HDAC4: variants seen among roughly 807,000 people sequenced by gnomAD.
HDAC4 encodes the protein histone deacetylase A.
A neutral mutation model predicts 135.1 loss-of-function variants in HDAC4; 16 were observed. The ratio of observed to expected loss-of-function variants is 0.12; its 90% CI spans 0.08 to 0.18. HDAC4 has a LOEUF of 0.18. HDAC4 is among the 10% of genes least tolerant of loss of function. The pLI is 1.00. For missense variants in HDAC4, 1,143 were observed against 1,511.8 expected (o/e 0.76, Z 4.05); for synonymous variants, 685 against 653.4 (o/e 1.05, Z -0.74).
intron 12 of HDAC4, among the ~76,000 whole-genome samples, chr2:239,121,646 C>A (rs1190753790): frequency 6.6e-6 from 1 of 152,266 alleles, no homozygotes; most frequent in African/African-American, 2.4e-5. Context: ...GCACGCCCCT[C>A]GGCCTGGAGG....
chr2:239,193,111 T>A (rs1403763614), intron 3 of HDAC4, among the ~76,000 whole-genome samples: 1 of 152,194 alleles, frequency 6.6e-6, no homozygotes, highest in African/African-American at 2.4e-5. Context: ...GCCTCATTTA[T>A]CCCTGTGTGG....
chr2:239,124,329 C>A (rs1000031519), intron 12 of HDAC4, among the ~76,000 whole-genome samples: 6 of 152,242 alleles, frequency 3.9e-5, no homozygotes, highest in Admixed American at 2.6e-4. Flanking sequence ...CCAGGCCTGG[C>A]TCCCACGAGT....
Position 239,049,450 on chromosome 2 carries a change from T to TA in HDAC4, c.*3646dup, listed in dbSNP as rs1183598085. The TA allele has an allele frequency of 1.3e-5, 2 of 151,778 alleles. No individual in the cohort carries two copies. The highest frequency in any genetic ancestry group is 2.9e-5 in the Non-Finnish European group (2 of 67,922). The allele number at this position is 151,778 out of a possible 1,614,324, so 9.4% of individuals were successfully genotyped here. On this transcript the variant is annotated 3_prime_UTR_variant, in exon 27 of 27. Transcript: ENST00000543185. ...ATGCAACCTCCAGGTGTAGGAAACT[T>TA]AAAAAAATATATTCATATATATTTA...
intron 12 of HDAC4, among the ~76,000 whole-genome samples, chr2:239,120,082 G>A (rs866635767): frequency 2.6e-5 from 4 of 152,174 alleles, no homozygotes; most frequent in African/African-American, 4.8e-5. Context: ...TGCTGGCCCC[G>A]GGACGGGGAG....
At chr2:239,176,938 A>C (rs1005976031) in intron 4 of HDAC4, among the ~76,000 whole-genome samples, 1 of 152,178 alleles carries the variant, frequency 6.6e-6, no homozygotes, top group Non-Finnish European at 1.5e-5. Flanking sequence ...TTCCTTATAA[A>C]GTTAAATGCA....
chr2:239,217,495 A>T (rs2046706382), intron 3 of HDAC4, among the ~76,000 whole-genome samples: 1 of 152,204 alleles, frequency 6.6e-6, no homozygotes, highest in Non-Finnish European at 1.5e-5. Context: ...TTATAAAGAG[A>T]ATCACCAAAA....
At chr2:239,347,824 GTTTTGAACTAAACAT>G (rs1029383423) in intron 2 of HDAC4, among the ~76,000 whole-genome samples, 13 of 152,190 alleles carry the variant, frequency 8.5e-5, no homozygotes, top group African/African-American at 2.9e-4. Context: ...CACTTATTTT[GTTTTGAACTAAACAT>G]TATCCGTACC....
At chr2:239,362,267 A>G (rs1285481020) in intron 1 of HDAC4, among the ~76,000 whole-genome samples, 8 of 152,220 alleles carry the variant, frequency 5.3e-5, no homozygotes, top group African/African-American at 1.7e-4. Context: ...CACAGAATCA[A>G]TGAAAGCAAA....
chr2:239,205,161 G>A (rs2045969963), intron 3 of HDAC4, among the ~76,000 whole-genome samples: 1 of 152,210 alleles, frequency 6.6e-6, no homozygotes, highest in African/African-American at 2.4e-5. Context: ...ACTCTGAGCT[G>A]CAAACCTCTA....
intron 1 of HDAC4, among the ~76,000 whole-genome samples, chr2:239,376,488 G>A (rs1243947626): frequency 1.3e-5 from 2 of 151,028 alleles, no homozygotes; most frequent in African/African-American, 2.4e-5. Flanking sequence ...TGTCACCACC[G>A]CGCCATCAGA....
At chr2:239,242,105 AAAAAAAGAAAGAAAG>A (rs1054283711) in intron 2 of HDAC4, among the ~76,000 whole-genome samples, 11 of 143,334 alleles carry the variant, frequency 7.7e-5, no homozygotes, top group Non-Finnish European at 7.4e-5. Flanking sequence ...AAGGAAGGAG[AAAAAAAGAAAGAAAG>A]AAAGAAGGAG....
At position 239,126,512 on chromosome 2, in the gene HDAC4, G is replaced by T. The variant is rs767230276; in HGVS notation, c.1477C>A (p.Gln493Lys). Residue 493 changes from glutamine (Q) to lysine (K), a missense_variant, in exon 12 of 27, where the codon CAG becomes AAG. Physicochemically the swap from Gln to Lys is moderately conservative, Grantham distance 53. This residue lies in a region of HDAC4 where 7 missense variants were observed against 30.5 expected (regional missense o/e 0.23). Transcript: ENST00000543185. ...TGCTGCTTGTGTTTCTCCAGAAACT[G>T]CTGATGCTGCTGCTGGATGACCAGG... ...QHLVIQQQHQ[Q>K]FLEKHKQQFQ... 6.2e-7 allele frequency: 1 copy of T among 1,613,344 alleles called. No homozygotes were observed. Among genetic ancestry groups the T allele is most frequent in the African/African-American group, 1.3e-5 (1 of 74,952 alleles).
intron 4 of HDAC4, among the ~76,000 whole-genome samples, chr2:239,180,732 T>A (rs1055957111): frequency 6.6e-6 from 1 of 152,150 alleles, no homozygotes; most frequent in African/African-American, 2.4e-5. Context: ...GAGTGCCCCA[T>A]GTGGATGGAA....
At chr2:239,230,476 C>T (rs291339) in intron 3 of HDAC4, among the ~76,000 whole-genome samples, 101,109 of 150,816 alleles carry the variant, frequency 0.67, 35,998 homozygotes, top group South Asian at 0.81. Flanking sequence ...GTCCGTGGGC[C>T]GGAGGGCATT....
At chr2:239,384,619 A>G (rs1426581410) in intron 1 of HDAC4, among the ~76,000 whole-genome samples, 3 of 152,160 alleles carry the variant, frequency 2.0e-5, no homozygotes, top group African/African-American at 7.2e-5. Context: ...TCTATCTCAG[A>G]AAAAGGCAAA....
Position 239,347,069 on chromosome 2 carries a change from AAACACACACCCT to A in HDAC4, c.22+5597_22+5608del, listed in dbSNP as rs1227863728. Among the ~76,000 whole-genome samples the A allele has an allele frequency of 7.6e-4, 115 of 152,232 alleles. 1 individual carries two copies. The highest frequency in any genetic ancestry group is 2.6e-3 in the African/African-American group (108 of 41,530). On this transcript the variant is annotated intron_variant, in intron 2 of 26. Transcript: ENST00000543185. ...GATTCACACACATACAACCTGTCTAAAACACACACCCTAACACACACTCTAACACACACATAC... is the reference window on the plus strand; with the variant it reads ...GATTCACACACATACAACCTGTCTAAAACACACACTCTAACACACACATAC...
chr2:239,115,434 C>A lies in HDAC4; in HGVS notation c.1534-124G>T. 8.3e-7 allele frequency: 1 copy of A among 1,199,524 alleles called. No individual in the cohort carries two copies. The highest frequency in any genetic ancestry group is 1.2e-6 in the Non-Finnish European group (1 of 844,000). 74.3% of individuals were successfully genotyped at this position (1,199,524 alleles called of 1,614,324 possible). On this transcript the variant is annotated intron_variant, in intron 12 of 26. Coordinates refer to ENST00000543185, the MANE Select transcript of HDAC4 (RefSeq NM_001378414.1). The surrounding 1 kb of genome is among the most constrained non-coding windows in gnomAD (Gnocchi z 6.3). ...CAATCAGGGACTCAGGGCACCTTAT[C>A]ACCCTGCCACAGGCCAGCAGGCACC...
At chr2:239,390,187 C>A (rs912777221) in intron 1 of HDAC4, among the ~76,000 whole-genome samples, 1 of 152,130 alleles carries the variant, frequency 6.6e-6, no homozygotes. Context: ...CAGTACCTAG[C>A]GAGATCCTAT....
chr2:239,295,306 CAAAAAAAA>C (rs55990119), intron 2 of HDAC4, among the ~76,000 whole-genome samples: 3 of 46,524 alleles, frequency 6.4e-5, no homozygotes, highest in Non-Finnish European at 1.2e-4. Flanking sequence ...GACTCCGTCT[CAAAAAAAA>C]AAAAAAAAAA....
Sources: allele counts gnomAD v4.1 joint callset (sites outside exome capture counted in the v4.1 genomes callset), GRCh38; gene constraint gnomAD v4.1.1; regional missense constraint gnomAD v4.1.1; non-coding constraint Gnocchi (gnomAD v3.1); transcripts MANE v1.5; gene names NCBI Gene and HGNC (gene_info 2026-07-23, HGNC 2026-07-21).